Variants in RSRC1 observed in about 807,000 individuals in gnomAD.
RSRC1 encodes the protein arginine and serine rich coiled-coil 1, also known as serine/Arginine-related protein 53.
Under a neutral mutation model 49.1 loss-of-function variants are expected in RSRC1, and 39 were observed. That is an observed-to-expected ratio of 0.79 (90% CI 0.61 to 1.04). The LOEUF (loss-of-function observed/expected upper bound fraction) is 1.04. RSRC1 is among the 50% of genes least tolerant of loss of function. The pLI, the probability that RSRC1 is intolerant of heterozygous loss-of-function variation, is 0.00. For missense variants in RSRC1, 388 were observed against 402.4 expected (o/e 0.96, Z 0.31); for synonymous variants, 143 against 130.8 (o/e 1.09, Z -0.63).
chr3:158,341,873 C>G (rs943001516), intron 5 of RSRC1, among the ~76,000 whole-genome samples: 1 of 152,158 alleles, frequency 6.6e-6, no homozygotes, highest in African/African-American at 2.4e-5. Flanking sequence ...CCATGGGAAC[C>G]CACCTCTTGC....
At chr3:158,194,568 A>C (rs979015714) in intron 3 of RSRC1, among the ~76,000 whole-genome samples, 8 of 149,438 alleles carry the variant, frequency 5.4e-5, no homozygotes, top group African/African-American at 1.7e-4. Context: ...ACATATGTAT[A>C]CATGTGCCAT....
At chr3:158,213,005 T>G (rs769534829) in intron 4 of RSRC1, among the ~76,000 whole-genome samples, 6 of 151,882 alleles carry the variant, frequency 4.0e-5, no homozygotes, top group Non-Finnish European at 8.8e-5. Context: ...ATGGAACAGA[T>G]TGGAATAAAC....
intron 1 of RSRC1, among the ~76,000 whole-genome samples, chr3:158,112,164 C>T (rs7630176): frequency 0.71 from 108,147 of 152,106 alleles, 39,184 homozygotes; most frequent in African/African-American, 0.83. Flanking sequence ...TGAAAATTGT[C>T]AGCTTGTAGG....
chr3:158,442,368 A>G (rs914351462), intron 6 of RSRC1, among the ~76,000 whole-genome samples: 1 of 152,152 alleles, frequency 6.6e-6, no homozygotes, highest in Non-Finnish European at 1.5e-5. Context: ...GTTTTTGTAT[A>G]ATACTCTAAA....
chr3:158,531,973 A>G (rs1340389177), intron 7 of RSRC1, among the ~76,000 whole-genome samples: 1 of 150,642 alleles, frequency 6.6e-6, no homozygotes. Context: ...GCACTTAAAA[A>G]TACTTTACAT....
chr3:158,248,623 A>C lies in RSRC1; in HGVS notation c.494+45378A>C, dbSNP rs532594075. Reference sequence around the variant, plus strand: ...TAACTTTTTTTTTTTTTTGAGACAGAGTCTCACTCTGTCTCCCAGGCTGGA... The same window carrying C: ...TAACTTTTTTTTTTTTTTGAGACAGCGTCTCACTCTGTCTCCCAGGCTGGA... On this transcript the variant is annotated intron_variant, in intron 4 of 9. Transcript: ENST00000611884. 1.1e-4 allele frequency among the ~76,000 whole-genome samples: 16 copies of C among 148,576 alleles called. No homozygotes were observed. The East Asian group carries it at 3.0e-3, about 28-fold the overall frequency.
At chr3:158,152,655 A>G (rs1717616924) in intron 3 of RSRC1, among the ~76,000 whole-genome samples, 1 of 152,228 alleles carries the variant, frequency 6.6e-6, no homozygotes, top group Non-Finnish European at 1.5e-5. Flanking sequence ...CAATGTTTCC[A>G]GTTCGTGTCT....
At chr3:158,423,269 G>A (rs940181957) in intron 6 of RSRC1, among the ~76,000 whole-genome samples, 1 of 152,030 alleles carries the variant, frequency 6.6e-6, no homozygotes, top group East Asian at 1.9e-4. Context: ...TGTAAGGAAG[G>A]GATCCAGTTT....
At chr3:158,455,427 A>G (rs1027634633) in intron 6 of RSRC1, among the ~76,000 whole-genome samples, 1 of 152,146 alleles carries the variant, frequency 6.6e-6, no homozygotes, top group Admixed American at 6.5e-5. Flanking sequence ...GCCATAGGGT[A>G]TATAAAATAC....
chr3:158,323,305 T>G (rs1578335531), intron 5 of RSRC1, among the ~76,000 whole-genome samples: 1 of 152,174 alleles, frequency 6.6e-6, no homozygotes, highest in South Asian at 2.1e-4. Context: ...GGGTTTCCTC[T>G]GTGTCTGTGT....
chr3:158,432,742 T>C (rs1735835043), intron 6 of RSRC1, among the ~76,000 whole-genome samples: 1 of 152,000 alleles, frequency 6.6e-6, no homozygotes, highest in Admixed American at 6.6e-5. Context: ...AAATATTGCA[T>C]ATTGCATGTC....
intron 7 of RSRC1, among the ~76,000 whole-genome samples, chr3:158,461,997 G>GAAAA (rs3086337): frequency 8.4e-6 from 1 of 119,142 alleles, no homozygotes; most frequent in African/African-American, 2.9e-5. Flanking sequence ...AAAACCAAGC[G>GAAAA]AAAAAAAAAA....
At chr3:158,202,664 G>A (rs1190355661) in intron 3 of RSRC1, among the ~76,000 whole-genome samples, 2 of 149,030 alleles carry the variant, frequency 1.3e-5, no homozygotes, top group Non-Finnish European at 3.0e-5. Context: ...AGAATAGCTG[G>A]ATTGGAGTGG....
At chr3:158,274,224 G>A (rs1024710754) in intron 4 of RSRC1, among the ~76,000 whole-genome samples, 1 of 151,924 alleles carries the variant, frequency 6.6e-6, no homozygotes, top group Non-Finnish European at 1.5e-5. Context: ...AACATGTTTG[G>A]GATTTCATAT....
intron 5 of RSRC1, among the ~76,000 whole-genome samples, chr3:158,329,116 G>T (rs962586032): frequency 1.3e-5 from 2 of 152,100 alleles, no homozygotes; most frequent in African/African-American, 4.8e-5. Context: ...CTCTACTCTG[G>T]TTATTCTGGT....
chr3:158,255,518 T>C (rs1724491905), intron 4 of RSRC1, among the ~76,000 whole-genome samples: 1 of 152,228 alleles, frequency 6.6e-6, no homozygotes, highest in Non-Finnish European at 1.5e-5. Flanking sequence ...AGCTTTGTTC[T>C]TTTGGCTTAG....
At chr3:158,421,349 G>T (rs76335475) in intron 6 of RSRC1, among the ~76,000 whole-genome samples, 8,163 of 151,964 alleles carry the variant, frequency 0.054, 319 homozygotes, top group South Asian at 0.1. Flanking sequence ...GGCATGATTA[G>T]AAGTCATTCT....
At chr3:158,420,875 C>T (rs900284510) in intron 6 of RSRC1, among the ~76,000 whole-genome samples, 1 of 151,800 alleles carries the variant, frequency 6.6e-6, no homozygotes, top group African/African-American at 2.4e-5. Flanking sequence ...GGGTGCCTGC[C>T]CTCATGGAAT....
At chr3:158,472,346 A>G (rs1483842753) in intron 7 of RSRC1, among the ~76,000 whole-genome samples, 2 of 152,180 alleles carry the variant, frequency 1.3e-5, no homozygotes, top group Non-Finnish European at 2.9e-5. Context: ...CAACTTCTAA[A>G]GCATCATGTT....
Sources: gnomAD v4.1 joint callset for allele counts (sites outside exome capture counted in the v4.1 genomes callset) on GRCh38, gnomAD v4.1.1 for gene constraint, MANE v1.5 for transcripts, NCBI Gene and HGNC (gene_info 2026-07-23, HGNC 2026-07-21) for gene names.